Variants in SRPX observed in about 807,000 individuals in gnomAD.
SRPX encodes the protein sushi repeat containing protein X-linked, also known as sushi repeat-containing protein SRPX.
Under a neutral mutation model 38.1 loss-of-function variants are expected in SRPX, and 24 were observed. That is an observed-to-expected ratio of 0.63 (90% CI 0.46 to 0.89). The LOEUF is 0.89. Ranked by LOEUF, SRPX falls within the 40% of genes least tolerant of loss-of-function variation. The pLI, the probability that SRPX is intolerant of heterozygous loss-of-function variation, is 0.00. For synonymous variants in SRPX, 184 were observed against 153.8 expected, an observed-to-expected ratio of 1.20 and a Z score of -1.45; for missense variants, 416 against 377.8, an observed-to-expected ratio of 1.10 and a Z score of -0.84.
chrX:38,149,649 T>A lies in SRPX; in HGVS notation c.*62A>T, dbSNP rs1055376920. The A allele has an allele frequency of 1.9e-6, 2 of 1,040,042 alleles. No individual in the cohort carries two copies. The highest frequency in any genetic ancestry group is 2.6e-6 in the Non-Finnish European group (2 of 779,119). 85.7% of individuals were successfully genotyped at this position (1,040,042 alleles called of 1,213,427 possible). A position where few individuals can be genotyped will look rare whatever the true frequency, so the allele number is the denominator to read the frequency against. ...GTACATCAAGGATATTTTTAAGGCT[T>A]TCCCGTGTGCATGTCACTATGTAGA... On this transcript the variant is annotated 3_prime_UTR_variant, in exon 10 of 10. Transcript: ENST00000378533.
At chrX:38,190,684 A>C (rs746170490) in intron 1 of SRPX, among the ~76,000 whole-genome samples, 1 of 111,674 alleles carries the variant, frequency 9.0e-6, no homozygotes, top group African/African-American at 3.3e-5. Context: ...TAGTTTTCAA[A>C]ATGATCATCT....
chrX:38,212,409 T>G (rs7883388), intron 1 of SRPX, among the ~76,000 whole-genome samples: 36,169 of 110,714 alleles, frequency 0.33, 4,810 homozygotes, highest in Non-Finnish European at 0.42. Flanking sequence ...CCATTGTGTG[T>G]CAGTTATAAA....
In SRPX at chrX:38,196,928, G is replaced by A. The variant is rs1335191862; in HGVS notation, c.98-18584C>T. ...ATCTCCTACTCTTCCAGAAATTCTTGCTGAGCGAGCTCCCACAGGACTGGA... is the reference window on the plus strand; with the variant it reads ...ATCTCCTACTCTTCCAGAAATTCTTACTGAGCGAGCTCCCACAGGACTGGA... On this transcript the variant is annotated intron_variant, in intron 1 of 9. Transcript: ENST00000378533. 3.6e-5 allele frequency among the ~76,000 whole-genome samples: 4 copies of A among 111,513 alleles called. No homozygotes were observed. The South Asian group carries it at 1.2e-3, about 32-fold the overall frequency.
rs748787091 is a variant in SRPX, at chrX:38,193,680, T to C, written c.98-15336A>G. 1.2e-4 allele frequency among the ~76,000 whole-genome samples: 14 copies of C among 112,345 alleles called. No homozygotes were observed. The East Asian group carries it at 3.1e-3, about 25-fold the overall frequency. On this transcript the variant is annotated intron_variant, in intron 1 of 9. Coordinates refer to ENST00000378533, the MANE Select transcript of SRPX (RefSeq NM_006307.5). ...GGTCAGCCATCTCCACTGAGAATTT[T>C]CTAGTTTGTAAATCTGAAGAGGATA...
chrX:38,185,406 C>T (rs1191631476), intron 1 of SRPX, among the ~76,000 whole-genome samples: 1 of 111,699 alleles, frequency 9.0e-6, no homozygotes, highest in Non-Finnish European at 1.9e-5. Context: ...AAATGATCTG[C>T]CAATGGATTA....
intron 1 of SRPX, among the ~76,000 whole-genome samples, chrX:38,220,293 C>T (rs896477691): frequency 2.6e-5 from 3 of 113,618 alleles, no homozygotes; most frequent in Non-Finnish European, 3.7e-5. Context: ...ATAGAGGCTC[C>T]TTCCAGGACA....
chrX:38,175,519 T>C (rs1448121859), intron 2 of SRPX, among the ~76,000 whole-genome samples: 2 of 110,129 alleles, frequency 1.8e-5, no homozygotes, highest in African/African-American at 3.3e-5. Context: ...TACTTTCTCT[T>C]TTTTTTTTCT....
At chrX:38,209,784 C>T (rs746735442) in intron 1 of SRPX, among the ~76,000 whole-genome samples, 5 of 112,581 alleles carry the variant, frequency 4.4e-5, no homozygotes, top group African/African-American at 1.3e-4. Context: ...TTAAAGAACA[C>T]ATGTTGGCAA....
chrX:38,172,657 G>A (rs908965495), intron 3 of SRPX, among the ~76,000 whole-genome samples: 12 of 112,130 alleles, frequency 1.1e-4, no homozygotes, highest in Non-Finnish European at 1.5e-4. Flanking sequence ...CTAGTGAGGG[G>A]GTGAGGAAAG....
At chrX:38,155,701 T>G (rs1938120720) in intron 8 of SRPX, among the ~76,000 whole-genome samples, 1 of 112,556 alleles carries the variant, frequency 8.9e-6, no homozygotes, top group East Asian at 2.8e-4. Flanking sequence ...TTGTTTGGCT[T>G]AATTCATTTT....
rs996641431 is a variant in SRPX at position 38,220,837 on chromosome X, C to T, written c.-45G>A. The T allele has an allele frequency of 9.4e-7, 1 of 1,062,532 alleles. No individual in the cohort carries two copies. Among genetic ancestry groups the T allele is most frequent in the Non-Finnish European group, 1.2e-6 (1 of 832,219 alleles). The allele number at this position is 1,062,532 out of a possible 1,213,427, so 87.6% of individuals were successfully genotyped here. A position where few individuals can be genotyped will look rare whatever the true frequency, so the allele number is the denominator to read the frequency against. ...CGCCTCGGCAGCGCAGCGCGCTTCC[C>T]GGGGGCGGCAGGAGACCGAAGAGAC... On this transcript the variant is annotated 5_prime_UTR_variant, in exon 1 of 10. Coordinates refer to ENST00000378533, the MANE Select transcript of SRPX (RefSeq NM_006307.5).
chrX:38,211,321 G>T lies in SRPX; in HGVS notation c.97+9375C>A, dbSNP rs1386991012. 2.7e-5 allele frequency among the ~76,000 whole-genome samples: 3 copies of T among 111,965 alleles called. No individual in the cohort carries two copies. In the East Asian group the frequency reaches 8.5e-4, roughly 32 times the overall value. On this transcript the variant is annotated intron_variant, in intron 1 of 9. Coordinates refer to ENST00000378533, the MANE Select transcript of SRPX (RefSeq NM_006307.5). Reference sequence around the variant, plus strand: ...CCCTAGATTACTGGTCCCTAACCTAGATCTACCAAATCAAAATACACAGAG... The same window carrying T: ...CCCTAGATTACTGGTCCCTAACCTATATCTACCAAATCAAAATACACAGAG...
chrX:38,176,750 G>A (rs1164480204), intron 2 of SRPX, among the ~76,000 whole-genome samples: 3 of 111,721 alleles, frequency 2.7e-5, no homozygotes, highest in African/African-American at 9.8e-5. Flanking sequence ...CCAAGATCAC[G>A]CCACTGCACT....
At chrX:38,170,612 G>T (rs1451090875) in intron 4 of SRPX, among the ~76,000 whole-genome samples, 1 of 111,277 alleles carries the variant, frequency 9.0e-6, no homozygotes, top group Non-Finnish European at 1.9e-5. Context: ...CCTGAACCTT[G>T]TTCTGACAAA....
At chrX:38,169,126 T>A (rs977791031) in intron 4 of SRPX, among the ~76,000 whole-genome samples, 6 of 112,771 alleles carry the variant, frequency 5.3e-5, no homozygotes, top group African/African-American at 1.9e-4. Flanking sequence ...ACAAATCATG[T>A]AAGGGAAAAA....
At chrX:38,171,109 A>G (rs1489592122) in intron 4 of SRPX, among the ~76,000 whole-genome samples, 2 of 111,527 alleles carry the variant, frequency 1.8e-5, no homozygotes, top group Non-Finnish European at 3.8e-5. Flanking sequence ...TTTGCCCTAA[A>G]GCATCGTTTA....
chrX:38,214,425 C>G (rs1251337801), intron 1 of SRPX, among the ~76,000 whole-genome samples: 1 of 110,997 alleles, frequency 9.0e-6, no homozygotes, highest in Non-Finnish European at 1.9e-5. Context: ...GCATGCCCCC[C>G]AGCACATGTC....
chrX:38,201,384 TAA>T (rs377395808), intron 1 of SRPX, among the ~76,000 whole-genome samples: 1 of 104,414 alleles, frequency 9.6e-6, no homozygotes. Context: ...AATGTAATGT[TAA>T]AAAAAAAAAG....
intron 1 of SRPX, among the ~76,000 whole-genome samples, chrX:38,199,616 C>T (rs910897714): frequency 9.1e-6 from 1 of 109,602 alleles, no homozygotes; most frequent in South Asian, 4.0e-4. Flanking sequence ...CCTGTTTAAA[C>T]ATGGAATTGG....
Sources: gnomAD v4.1 joint callset for allele counts (sites outside exome capture counted in the v4.1 genomes callset) on GRCh38, gnomAD v4.1.1 for gene constraint, MANE v1.5 for transcripts, NCBI Gene and HGNC (gene_info 2026-07-23, HGNC 2026-07-21) for gene names.